TTC8: variants seen among roughly 807,000 people sequenced by gnomAD.
TTC8 encodes the protein tetratricopeptide repeat protein 8.
In TTC8, 47 loss-of-function variants were observed where a neutral mutation model predicts 72.5. The ratio of observed to expected loss-of-function variants is 0.65; its 90% CI spans 0.51 to 0.83. The LOEUF is 0.83. TTC8 is among the 40% of genes least tolerant of loss of function. The probability of loss-of-function intolerance (pLI) is 0.00; values close to 1 mark genes in which losing one functional copy is unlikely to be tolerated. For missense variants in TTC8, 611 were observed against 623.2 expected, an observed-to-expected ratio of 0.98 and a Z score of 0.21; for synonymous variants, 199 against 221.4, an observed-to-expected ratio of 0.90 and a Z score of 0.90.
chr14:88,826,572 C>T (rs760460448), intron 1 of TTC8, among the ~76,000 whole-genome samples: 1 of 151,910 alleles, frequency 6.6e-6, no homozygotes, highest in Non-Finnish European at 1.5e-5. Context: ...GGCGTGTTGG[C>T]GGGCGCCTGT....
intron 2 of TTC8, among the ~76,000 whole-genome samples, chr14:88,834,518 G>A (rs1237708160): frequency 6.6e-6 from 1 of 152,176 alleles, no homozygotes; most frequent in Admixed American, 6.5e-5. Flanking sequence ...GTCCATATGT[G>A]TAATTAGCAA....
chr14:88,831,862 A>G (rs1336436371), intron 1 of TTC8, among the ~76,000 whole-genome samples: 1 of 151,756 alleles, frequency 6.6e-6, no homozygotes, highest in Non-Finnish European at 1.5e-5. Context: ...CCCTTCTCTG[A>G]CTCTCTTATC....
intron 11 of TTC8, 128 bp downstream of exon 11, chr14:88,870,326 C>T (rs1283445413): frequency 9.7e-7 from 1 of 1,027,966 alleles, no homozygotes; most frequent in African/African-American, 1.6e-5. Flanking sequence ...AATGTCAACA[C>T]TGAGATATAT....
intron 6 of TTC8, 24 bp from the exon 7 acceptor site, chr14:88,843,781 AT>A: frequency 6.4e-7 from 1 of 1,572,626 alleles, no homozygotes; most frequent in Non-Finnish European, 8.7e-7. Flanking sequence ...AATCTAACGT[AT>A]TTTTGACACT....
chr14:88,846,808 CAGAT>C (rs1451383226), intron 7 of TTC8: 7 of 489,460 alleles, frequency 1.4e-5, no homozygotes, highest in African/African-American at 8.0e-5. Flanking sequence ...TGATTTTAAA[CAGAT>C]AGAGTAGTAA....
intron 8 of TTC8, among the ~76,000 whole-genome samples, chr14:88,853,531 A>G (rs1228060346): frequency 6.6e-6 from 1 of 152,200 alleles, no homozygotes; most frequent in Admixed American, 6.5e-5. Context: ...GGTAGTGGCT[A>G]TCGTTAGTCC....
intron 14 of TTC8, among the ~76,000 whole-genome samples, chr14:88,876,455 C>G (rs1000095671): frequency 3.3e-5 from 5 of 152,108 alleles, no homozygotes; most frequent in African/African-American, 1.2e-4. Context: ...AAGATATACT[C>G]AACTGTAATT....
chr14:88,845,030 G>C (rs566803318), intron 7 of TTC8, among the ~76,000 whole-genome samples: 18 of 152,128 alleles, frequency 1.2e-4, no homozygotes, highest in African/African-American at 3.6e-4. Flanking sequence ...AAGTAGGAAA[G>C]GGAAAAATTC....
chr14:88,840,636 G>A (rs538877574), intron 3 of TTC8, among the ~76,000 whole-genome samples: 2 of 152,220 alleles, frequency 1.3e-5, no homozygotes, highest in East Asian at 1.9e-4. Context: ...TTGTTAAATA[G>A]GTTAATACTA....
rs528946101 is a variant in TTC8 at position 88,877,322 on chromosome 14, C to T, written c.1460C>T (p.Ala487Val). 1.9e-6 allele frequency: 3 copies of T among 1,613,564 alleles called. No homozygotes were observed. Among genetic ancestry groups the T allele is most frequent in the Non-Finnish European group, 2.5e-6 (3 of 1,179,728 alleles). ...KIGDLQRSYV[A>V]AQKSEAAFPD... ...GGAGATCTGCAGAGAAGCTATGTTG[C>T]TGCGCAGAAGTCTGAAGCAGCATTT... is the stretch of plus-strand genomic sequence containing the variant. Residue 487 changes from alanine to valine, a missense_variant, in exon 15 of 15, where the codon GCT becomes GTT. Transcript: ENST00000380656.
intron 3 of TTC8, chr14:88,840,192 T>C (rs1595940399): frequency 6.4e-6 from 1 of 157,304 alleles, no homozygotes; most frequent in African/African-American, 2.4e-5. Context: ...TGTTTACAAC[T>C]AATTGATCAC....
chr14:88,824,524 C>T, upstream of TTC8: 1 of 594,604 alleles, frequency 1.7e-6, no homozygotes, highest in Non-Finnish European at 3.0e-6. Flanking sequence ...TTTAGGCAAG[C>T]CCTGTAGCCG....
intron 14 of TTC8, among the ~76,000 whole-genome samples, chr14:88,876,714 T>G (rs1048661501): frequency 6.6e-6 from 1 of 152,180 alleles, no homozygotes; most frequent in Non-Finnish European, 1.5e-5. Context: ...ATCAGAGACA[T>G]CCTTTATAAA....
chr14:88,858,093 C>T (rs141105987), intron 9 of TTC8, among the ~76,000 whole-genome samples: 57 of 152,000 alleles, frequency 3.8e-4, no homozygotes, highest in African/African-American at 1.3e-3. Context: ...TCCCAAGTAG[C>T]TGGGATTACA....
chr14:88,824,587 A>T (rs1595919197), upstream of TTC8: 4 of 709,010 alleles, frequency 5.6e-6, no homozygotes, highest in South Asian at 4.9e-5. Flanking sequence ...CGCTGCGGGC[A>T]CCTCTCGGAC....
chr14:88,862,586 A>ATATATG (rs2094892357), intron 10 of TTC8, among the ~76,000 whole-genome samples: 13 of 76,054 alleles, frequency 1.7e-4, no homozygotes, highest in African/African-American at 6.0e-4. Context: ...ATATATATAT[A>ATATATG]TATATATATA....
At chr14:88,837,607 T>C (rs748381582) in intron 2 of TTC8, among the ~76,000 whole-genome samples, 1 of 152,128 alleles carries the variant, frequency 6.6e-6, no homozygotes, top group Non-Finnish European at 1.5e-5. Context: ...CACCAGAGAG[T>C]GCTGAGCAAA....
chr14:88,841,473 C>T lies in TTC8; in HGVS notation c.538C>T (p.Leu180=). Reference sequence around the variant, plus strand: ...TGGACCATTTATAAATTTATCTAGGCTGAATTTAACAAAGTATTCCCAGAA... The same window carrying T: ...TGGACCATTTATAAATTTATCTAGGTTGAATTTAACAAAGTATTCCCAGAA... ...PDGPFINLSR[L]NLTKYSQKPK... The change falls in exon 6 of 15, where the codon CTG becomes TTG. Residue 180 remains leucine, a synonymous_variant. Coordinates refer to ENST00000380656, the MANE Select transcript of TTC8 (RefSeq NM_144596.4). 6.2e-7 allele frequency: 1 copy of T among 1,613,614 alleles called. No individual in the cohort carries two copies. The highest frequency in any genetic ancestry group is 1.1e-5 in the South Asian group (1 of 91,068).
rs1404005607 is a variant in TTC8 at position 88,824,794 on chromosome 14, G to T, written c.87G>T (p.Gln29His). The T allele has an allele frequency of 6.2e-7, 1 of 1,613,498 alleles. No homozygotes were observed. The highest frequency in any genetic ancestry group is 1.7e-5 in the Admixed American group (1 of 59,966). Reference protein sequence around the residue: ...KFQLCADLCTQMLEKSPYDQE... With the variant: ...KFQLCADLCTHMLEKSPYDQE... ...AGCTCTGCGCCGATCTATGCACGCA[G>T]ATGCTGGAGAAGTCCCCTTATGACC... The change falls in exon 1 of 15, where the codon CAG becomes CAT. Residue 29 changes from glutamine (Q) to histidine (H), a missense_variant. By Grantham distance (24) the Gln-to-His change is conservative (BLOSUM62 0). Transcript: ENST00000380656.
Sources: gnomAD v4.1 joint callset for allele counts (sites outside exome capture counted in the v4.1 genomes callset) on GRCh38, gnomAD v4.1.1 for gene constraint, MANE v1.5 for transcripts, NCBI Gene and HGNC (gene_info 2026-07-23, HGNC 2026-07-21) for gene names.